SPTB: variants seen among roughly 807,000 people sequenced by gnomAD.
The protein encoded by SPTB is spectrin beta chain, erythrocytic.
Under a neutral mutation model 256.2 loss-of-function variants are expected in SPTB, and 45 were observed. That is an observed-to-expected ratio of 0.18 (90% CI 0.14 to 0.23). The LOEUF (loss-of-function observed/expected upper bound fraction) is 0.23, where lower values mean the gene tolerates loss of function less well. Among genes scored for constraint, SPTB ranks in the 10% least tolerant of loss-of-function variants. SPTB has a pLI of 1.00. For missense variants in SPTB, 2,715 were observed against 3,040.4 expected (o/e 0.89, Z 2.52); for synonymous variants, 1,231 against 1,243.1 (o/e 0.99, Z 0.21).
At position 64,853,110 on chromosome 14, in the gene SPTB, G is replaced by A. The variant is rs2083812818; in HGVS notation, c.-52+26682C>T. ...AAATAAGAGACAGGCAAAGAATGGGGAAAGAGCATGTGCAAAGCCAACAGT... is the reference window on the plus strand; with the variant it reads ...AAATAAGAGACAGGCAAAGAATGGGAAAAGAGCATGTGCAAAGCCAACAGT... On this transcript the variant is annotated intron_variant, in intron 1 of 35. Transcript: ENST00000644917. The surrounding 1 kb of genome is among the most constrained non-coding windows in gnomAD (Gnocchi z 4.3). 6.6e-6 allele frequency among the ~76,000 whole-genome samples: 1 copy of A among 152,146 alleles called. No homozygotes were observed. Among genetic ancestry groups the A allele is most frequent in the Admixed American group, 6.5e-5 (1 of 15,280 alleles).
chr14:64,778,470 G>A lies in SPTB; in HGVS notation c.4563+687C>T, dbSNP rs1486885755. 6.6e-6 allele frequency among the ~76,000 whole-genome samples: 1 copy of A among 152,092 alleles called. No homozygotes were observed. Among genetic ancestry groups the A allele is most frequent in the Non-Finnish European group, 1.5e-5 (1 of 68,014 alleles). ...CTGTGGCCATTCCCCTGGCCGCTGC[G>A]ACCCCACACAGCCAGCTTCCTTACA... On this transcript the variant is annotated intron_variant, in intron 22 of 35. Transcript: ENST00000644917. This position sits in a 1 kb window ranked among gnomAD's most constrained non-coding sequence, Gnocchi z 5.2.
At chr14:64,855,333 G>C (rs2083854566) in intron 1 of SPTB, among the ~76,000 whole-genome samples, 2 of 152,196 alleles carry the variant, frequency 1.3e-5, no homozygotes, top group Admixed American at 1.3e-4. Flanking sequence ...TCTATTCCCA[G>C]AGTAGAATGC....
At chr14:64,849,776 G>C (rs758982173) in intron 1 of SPTB, among the ~76,000 whole-genome samples, 20 of 152,214 alleles carry the variant, frequency 1.3e-4, no homozygotes, top group Non-Finnish European at 1.0e-4. Flanking sequence ...GAGGCTGTAA[G>C]AGGGGCTATG....
intron 1 of SPTB, among the ~76,000 whole-genome samples, chr14:64,839,796 C>T (rs1566796426): frequency 6.6e-6 from 1 of 152,082 alleles, no homozygotes; most frequent in African/African-American, 2.4e-5. Context: ...TAGCCTAACA[C>T]GTGGTACAAA....
chr14:64,765,149 C>G (rs547184548), intron 32 of SPTB, among the ~76,000 whole-genome samples: 2 of 152,170 alleles, frequency 1.3e-5, no homozygotes, highest in African/African-American at 4.8e-5. Context: ...GTATATGTTT[C>G]TGGGTGTGAC....
Position 64,749,399 on chromosome 14 carries a change from C to T in SPTB, c.6894G>A (p.Gln2298=). The T allele has an allele frequency of 6.2e-7, 1 of 1,609,178 alleles. No individual in the cohort carries two copies. Among genetic ancestry groups the T allele is most frequent in the Non-Finnish European group, 8.5e-7 (1 of 1,179,766 alleles). The change falls in exon 36 of 36, where the codon CAG becomes CAA. Residue 2298 remains glutamine (Q), a synonymous_variant. Coordinates refer to ENST00000644917, the MANE Select transcript of SPTB (RefSeq NM_001355436.2). The surrounding 1 kb of genome is among the most constrained non-coding windows in gnomAD (Gnocchi z 4.7). ...NESQSIRVKA[Q]SLPLPSLSGP... is the part of the protein sequence containing the mutation. ...CGGAGAGGGAAGGCAGGGGCAGGCT[C>T]TGCGCCTTGACGCGGATGCTCTGGG...
Position 64,796,453 on chromosome 14 carries a change from C to T in SPTB, c.1341+104G>A, listed in dbSNP as rs188601845. ...CACGGGGGAGCTGTGCTGCAAGGCACGAGGAGAGGCTGTGAGAAGCCAGCT... is the reference window on the plus strand; with the variant it reads ...CACGGGGGAGCTGTGCTGCAAGGCATGAGGAGAGGCTGTGAGAAGCCAGCT... On this transcript the variant is annotated intron_variant, in intron 11 of 35. Coordinates refer to ENST00000644917, the MANE Select transcript of SPTB (RefSeq NM_001355436.2). This position sits in a 1 kb window ranked among gnomAD's most constrained non-coding sequence, Gnocchi z 4.1. 2.1e-5 allele frequency: 31 copies of T among 1,499,988 alleles called. No homozygotes were observed. Among genetic ancestry groups the T allele is most frequent in the East Asian group, 6.8e-5 (3 of 44,274 alleles). The allele number at this position is 1,499,988 out of a possible 1,614,324, so 92.9% of individuals were successfully genotyped here. A position where few individuals can be genotyped will look rare whatever the true frequency, so the allele number is the denominator to read the frequency against.
At chr14:64,798,839 G>C (rs1052427354) in intron 9 of SPTB, among the ~76,000 whole-genome samples, 2 of 152,222 alleles carry the variant, frequency 1.3e-5, no homozygotes, top group African/African-American at 4.8e-5. Flanking sequence ...TGGGAGATGG[G>C]GGGAAGAGCA....
At chr14:64,855,001 C>T (rs1429310398) in intron 1 of SPTB, among the ~76,000 whole-genome samples, 1 of 152,162 alleles carries the variant, frequency 6.6e-6, no homozygotes, top group African/African-American at 2.4e-5. Context: ...ATCCTTGGGG[C>T]CCTTGCCCTT....
intron 9 of SPTB, among the ~76,000 whole-genome samples, chr14:64,799,535 C>T (rs915241069): frequency 2.0e-5 from 3 of 152,218 alleles, no homozygotes; most frequent in South Asian, 2.1e-4. Context: ...GGTCGTGAGT[C>T]GAGGTTTCTC....
At chr14:64,797,142 T>C (rs229585) in intron 10 of SPTB, among the ~76,000 whole-genome samples, 145 of 152,110 alleles carry the variant, frequency 9.5e-4, no homozygotes, top group African/African-American at 3.2e-3. Flanking sequence ...AAACTCAAGG[T>C]TCTACAGAGG....
At position 64,847,579 on chromosome 14, in the gene SPTB, A is replaced by T. The variant is rs911468986; in HGVS notation, c.-51-24434T>A. Among the ~76,000 whole-genome samples, 5 of 152,112 alleles carry T rather than the reference A, an allele frequency of 3.3e-5. No homozygotes were observed. Among genetic ancestry groups the T allele is most frequent in the African/African-American group, 1.2e-4 (5 of 41,420 alleles). On this transcript the variant is annotated intron_variant, in intron 1 of 35. Transcript: ENST00000644917. The surrounding 1 kb of genome is among the most constrained non-coding windows in gnomAD (Gnocchi z 5.9). ...CAGAAGAAGAAATCCAGGGCCTGGG[A>T]GCAACCACCACACTCCTAAGCCAGA...
Position 64,772,534 on chromosome 14 carries a change from G to A in SPTB, c.5553+46C>T, listed in dbSNP as rs1452047681. 1.9e-6 allele frequency: 3 copies of A among 1,596,616 alleles called. No homozygotes were observed. The highest frequency in any genetic ancestry group is 2.2e-5 in the East Asian group (1 of 44,814). ...AGCCAGGTGGGGACTGACACCCAGG[G>A]CTCCTGGAAATTGGTAGCAGGTGGG... On this transcript the variant is annotated intron_variant, in intron 26 of 35. Transcript: ENST00000644917. The surrounding 1 kb of genome is among the most constrained non-coding windows in gnomAD (Gnocchi z 5.4).
At chr14:64,838,152 T>G (rs1219086113) in intron 1 of SPTB, among the ~76,000 whole-genome samples, 3 of 152,158 alleles carry the variant, frequency 2.0e-5, no homozygotes, top group Admixed American at 6.5e-5. Flanking sequence ...AAAAACAACT[T>G]GATGGAGAAA....
At chr14:64,794,116 A>C (rs2082724986) in intron 13 of SPTB, among the ~76,000 whole-genome samples, 2 of 152,186 alleles carry the variant, frequency 1.3e-5, no homozygotes, top group South Asian at 4.2e-4. Context: ...GTACAACATA[A>C]AATTATTTTT....
intron 1 of SPTB, among the ~76,000 whole-genome samples, chr14:64,861,923 T>C (rs1047223867): frequency 6.6e-6 from 1 of 152,206 alleles, no homozygotes; most frequent in Non-Finnish European, 1.5e-5. Flanking sequence ...TTCATCCTCA[T>C]TGTGCTGTGA....
rs2083380680 is a variant in SPTB, at chr14:64,826,579, T to C, written c.-51-3434A>G. Among the ~76,000 whole-genome samples the C allele has an allele frequency of 6.6e-6, 1 of 152,136 alleles. No individual in the cohort carries two copies. The highest frequency in any genetic ancestry group is 6.5e-5 in the Admixed American group (1 of 15,276). On this transcript the variant is annotated intron_variant, in intron 1 of 35. Transcript: ENST00000644917. The surrounding 1 kb of genome is among the most constrained non-coding windows in gnomAD (Gnocchi z 4.4). The stretch of plus-strand genomic sequence containing the variant: ...TACATGGCTAAAATTAGATCTTAAA[T>C]TGCACTTCAGGCCCATCAGTAAACC...
chr14:64,780,019 T>C, intron 20 of SPTB, 88 bp from the exon 21 acceptor site: 2 of 1,186,334 alleles, frequency 1.7e-6, no homozygotes, highest in Non-Finnish European at 2.5e-6. Flanking sequence ...CCACCCATCC[T>C]TTAAGGCCCA....
chr14:64,800,208 T>C (rs1213060444), intron 8 of SPTB, among the ~76,000 whole-genome samples: 1 of 152,234 alleles, frequency 6.6e-6, no homozygotes, highest in Non-Finnish European at 1.5e-5. Flanking sequence ...AGAAGATTGG[T>C]AAGCTTGCTG....
Sources: allele counts gnomAD v4.1 joint callset (sites outside exome capture counted in the v4.1 genomes callset), GRCh38; gene constraint gnomAD v4.1.1; non-coding constraint Gnocchi (gnomAD v3.1); transcripts MANE v1.5; gene names NCBI Gene and HGNC (gene_info 2026-07-23, HGNC 2026-07-21).